AP3B1: variants seen among roughly 807,000 people sequenced by gnomAD.
The protein encoded by AP3B1 is AP-3 complex subunit beta-1.
Under a neutral mutation model 132.5 loss-of-function variants are expected in AP3B1, and 61 were observed. The observed-to-expected ratio is 0.46, with a 90% CI of 0.37 to 0.57. The LOEUF is 0.57. AP3B1 is among the 20% of genes least tolerant of loss of function. The pLI is 0.00. For synonymous variants in AP3B1, 388 were observed against 438.3 expected, an observed-to-expected ratio of 0.89 and a Z score of 1.43; for missense variants, 1,120 against 1,289.4, an observed-to-expected ratio of 0.87 and a Z score of 2.01.
intron 13 of AP3B1, among the ~76,000 whole-genome samples, chr5:78,160,167 A>T (rs1743331840): frequency 6.6e-6 from 1 of 152,178 alleles, no homozygotes; most frequent in African/African-American, 2.4e-5. Flanking sequence ...TAAAGATAGG[A>T]ACCTTTTATA....
At chr5:78,267,735 C>T (rs944904767) in intron 1 of AP3B1, 140 bp from the exon 2 acceptor site, 1 of 539,160 alleles carries the variant, frequency 1.9e-6, no homozygotes, top group African/African-American at 1.9e-5. Context: ...CATCTGCAGG[C>T]CAGAGAGAAA....
intron 7 of AP3B1, among the ~76,000 whole-genome samples, chr5:78,195,172 G>T (rs918224696): frequency 2.0e-5 from 3 of 152,022 alleles, no homozygotes; most frequent in African/African-American, 7.2e-5. Context: ...CAATAGAAAT[G>T]AAATTATATG....
chr5:78,195,863 T>C (rs1745060838), intron 7 of AP3B1, among the ~76,000 whole-genome samples: 1 of 151,978 alleles, frequency 6.6e-6, no homozygotes, highest in African/African-American at 2.4e-5. Context: ...ACACAGACCT[T>C]ACAATCTTCA....
At chr5:78,075,508 C>T (rs1045828880) in intron 22 of AP3B1, among the ~76,000 whole-genome samples, 7 of 152,182 alleles carry the variant, frequency 4.6e-5, no homozygotes, top group Admixed American at 1.3e-4. Flanking sequence ...CCCTAACTCA[C>T]GGAAGAGTTG....
intron 25 of AP3B1, among the ~76,000 whole-genome samples, chr5:78,019,230 G>A (rs957399173): frequency 1.3e-5 from 2 of 152,060 alleles, no homozygotes; most frequent in Admixed American, 6.6e-5. Context: ...TTCTCCAAGT[G>A]CACCTCTCTC....
At chr5:78,071,956 G>A (rs1237826151) in intron 22 of AP3B1, among the ~76,000 whole-genome samples, 1 of 152,104 alleles carries the variant, frequency 6.6e-6, no homozygotes, top group African/African-American at 2.4e-5. Context: ...TGTAAACTTT[G>A]ATGTACTAGT....
At chr5:78,183,009 T>C (rs1744432343) in intron 7 of AP3B1, among the ~76,000 whole-genome samples, 1 of 152,194 alleles carries the variant, frequency 6.6e-6, no homozygotes, top group South Asian at 2.1e-4. Context: ...GCCTAGTGCA[T>C]AGTCAGGACT....
chr5:78,291,039 C>A (rs11749937), intron 1 of AP3B1, among the ~76,000 whole-genome samples: 33,776 of 151,968 alleles, frequency 0.22, 4,469 homozygotes, highest in Middle Eastern at 0.3. Flanking sequence ...AATACACAGG[C>A]CTTTTTAGCC....
chr5:78,109,123 A>T (rs1751467957), intron 20 of AP3B1, among the ~76,000 whole-genome samples: 1 of 152,186 alleles, frequency 6.6e-6, no homozygotes, highest in Non-Finnish European at 1.5e-5. Flanking sequence ...AATAAACCAT[A>T]AAATCTCTTA....
chr5:78,190,985 T>C (rs1744803012), intron 7 of AP3B1, among the ~76,000 whole-genome samples: 2 of 152,218 alleles, frequency 1.3e-5, no homozygotes, highest in Non-Finnish European at 2.9e-5. Flanking sequence ...TGCTTCATTT[T>C]GAACCATAAT....
At chr5:78,193,754 A>ATC (rs1561469518) in intron 7 of AP3B1, among the ~76,000 whole-genome samples, 39 of 118,472 alleles carry the variant, frequency 3.3e-4, no homozygotes, top group East Asian at 6.7e-4. Flanking sequence ...TTATATATAT[A>ATC]TATATATATA....
intron 7 of AP3B1, among the ~76,000 whole-genome samples, chr5:78,193,250 ATACT>A (rs1270032022): frequency 5.9e-5 from 9 of 152,224 alleles, no homozygotes; most frequent in Admixed American, 4.6e-4. Flanking sequence ...AATAGCCTAG[ATACT>A]TAAGTAAGTT....
chr5:78,138,281 C>T (rs989155372), intron 15 of AP3B1, among the ~76,000 whole-genome samples: 6 of 152,024 alleles, frequency 3.9e-5, no homozygotes. Flanking sequence ...GCCTGGCCAA[C>T]ATGGTGAAAC....
At chr5:78,039,651 G>A (rs573960148) in intron 22 of AP3B1, among the ~76,000 whole-genome samples, 2 of 151,942 alleles carry the variant, frequency 1.3e-5, no homozygotes, top group South Asian at 2.1e-4. Context: ...GGTGGCGGGC[G>A]CCTGTAGTCC....
At chr5:78,049,352 C>T (rs1423163023) in intron 22 of AP3B1, among the ~76,000 whole-genome samples, 1 of 152,190 alleles carries the variant, frequency 6.6e-6, no homozygotes, top group Non-Finnish European at 1.5e-5. Flanking sequence ...AATCATTAAT[C>T]ATTACTCACC....
At chr5:78,194,411 C>T (rs190922255) in intron 7 of AP3B1, among the ~76,000 whole-genome samples, 1 of 152,250 alleles carries the variant, frequency 6.6e-6, no homozygotes, top group East Asian at 1.9e-4. Flanking sequence ...ATTGAGCCTA[C>T]AGAAATGAGG....
At chr5:78,286,568 G>A (rs1308425914) in intron 1 of AP3B1, among the ~76,000 whole-genome samples, 1 of 152,116 alleles carries the variant, frequency 6.6e-6, no homozygotes, top group Non-Finnish European at 1.5e-5. Context: ...TGGACTTCCT[G>A]GCCTCCAAAA....
chr5:78,003,155 G>T, intron 26 of AP3B1, 100 bp from the exon 27 acceptor site: 1 of 1,386,954 alleles, frequency 7.2e-7, no homozygotes, highest in Non-Finnish European at 9.8e-7. Context: ...TTTGTCAAAT[G>T]AAATAATTTG....
At chr5:78,059,852 G>A (rs1447543608) in intron 22 of AP3B1, among the ~76,000 whole-genome samples, 1 of 152,106 alleles carries the variant, frequency 6.6e-6, no homozygotes, top group Non-Finnish European at 1.5e-5. Context: ...CCTTTATTTA[G>A]TATGAATCTT....
Sources: allele counts gnomAD v4.1 joint callset (sites outside exome capture counted in the v4.1 genomes callset), GRCh38; gene constraint gnomAD v4.1.1; transcripts MANE v1.5; gene names NCBI Gene and HGNC (gene_info 2026-07-23, HGNC 2026-07-21).